ATL2: variants seen among roughly 807,000 people sequenced by gnomAD.
ATL2 encodes the protein atlastin GTPase 2, also known as atlastin-2.
In ATL2, 31 loss-of-function variants were observed where a neutral mutation model predicts 73.9. The observed-to-expected ratio is 0.42, with a 90% CI of 0.32 to 0.57. The LOEUF (loss-of-function observed/expected upper bound fraction) is 0.57, where lower values mean the gene tolerates loss of function less well. ATL2 is among the 20% of genes least tolerant of loss of function. ATL2 has a pLI of 0.14. For synonymous variants in ATL2, 291 were observed against 237.5 expected (o/e 1.23, Z -2.07); for missense variants, 738 against 702.6 (o/e 1.05, Z -0.57).
intron 2 of ATL2, among the ~76,000 whole-genome samples, chr2:38,320,140 T>A (rs1333937466): frequency 3.3e-5 from 5 of 152,114 alleles, no homozygotes; most frequent in Admixed American, 2.0e-4. Context: ...ATTTAAAAAA[T>A]AACCCCAAGA....
intron 1 of ATL2, among the ~76,000 whole-genome samples, chr2:38,348,850 A>C (rs973670465): frequency 6.6e-6 from 1 of 152,204 alleles, no homozygotes; most frequent in Non-Finnish European, 1.5e-5. Flanking sequence ...ACCCCATCAA[A>C]AAGTGGGCAA....
At chr2:38,347,675 G>T (rs1332714830) in intron 1 of ATL2, among the ~76,000 whole-genome samples, 1 of 151,644 alleles carries the variant, frequency 6.6e-6, no homozygotes, top group Non-Finnish European at 1.5e-5. Flanking sequence ...CTACAACAGT[G>T]CCTGACACCT....
intron 1 of ATL2, among the ~76,000 whole-genome samples, chr2:38,354,468 G>C (rs1269372322): frequency 6.6e-6 from 1 of 152,114 alleles, no homozygotes. Context: ...TACACCCTAA[G>C]GTTATGATTT....
At chr2:38,349,929 T>A (rs2124432229) in intron 1 of ATL2, among the ~76,000 whole-genome samples, 1 of 152,330 alleles carries the variant, frequency 6.6e-6, no homozygotes, top group Admixed American at 6.5e-5. Context: ...TACACCTGCA[T>A]CTATCTACTT....
At chr2:38,364,878 A>C (rs1016956931) in intron 1 of ATL2, among the ~76,000 whole-genome samples, 2 of 152,084 alleles carry the variant, frequency 1.3e-5, no homozygotes, top group African/African-American at 4.8e-5. Context: ...CTCCGTCTCT[A>C]CTAAAAATAC....
At chr2:38,303,757 T>C (rs1483857225) in intron 9 of ATL2, among the ~76,000 whole-genome samples, 2 of 152,076 alleles carry the variant, frequency 1.3e-5, no homozygotes, top group African/African-American at 4.8e-5. Context: ...GAACAAAAGA[T>C]TATAGAACAC....
chr2:38,364,649 A>C (rs1671201649), intron 1 of ATL2, among the ~76,000 whole-genome samples: 1 of 152,242 alleles, frequency 6.6e-6, no homozygotes, highest in African/African-American at 2.4e-5. Context: ...TGACTCTAAG[A>C]GCTCCAAGAT....
chr2:38,313,266 T>C (rs891455067), intron 6 of ATL2, 23 bp from the exon 7 acceptor site: 3 of 1,531,460 alleles, frequency 2.0e-6, no homozygotes, highest in African/African-American at 1.4e-5. Flanking sequence ...AAAATAAAAA[T>C]TGTTTATTTT....
chr2:38,367,703 G>A (rs1178604078), intron 1 of ATL2, among the ~76,000 whole-genome samples: 1 of 149,758 alleles, frequency 6.7e-6, no homozygotes, highest in Non-Finnish European at 1.5e-5. Flanking sequence ...CGCGATCTCG[G>A]CTCACTGCCA....
chr2:38,318,783 T>A, intron 3 of ATL2, 102 bp downstream of exon 3: 1 of 1,412,436 alleles, frequency 7.1e-7, no homozygotes, highest in Non-Finnish European at 9.7e-7. Flanking sequence ...ATCCGTATGT[T>A]AAAGTTATCA....
rs146848873 is a variant in ATL2 at position 38,315,286 on chromosome 2, G to C, written c.652C>G (p.Gln218Glu). ...NIQEDDLQHL[Q>E]LFTEYGRLAM... ...AAATTAAAAAAAGAAATACGTACTT[G>C]CAAATGTTGAAGATCATCTTCTTGA... The change falls in exon 5 of 13, where the codon CAA becomes GAA. Residue 218 changes from glutamine (Q) to glutamate (E), a missense_variant and splice_region_variant. Gln to Glu is a conservative substitution (Grantham distance 29). Transcript: ENST00000378954. 3.5e-4 allele frequency: 522 copies of C among 1,486,058 alleles called. No individual in the cohort carries two copies. The highest frequency in any genetic ancestry group is 4.4e-4 in the Non-Finnish European group (501 of 1,126,968). 92.1% of individuals were successfully genotyped at this position (1,486,058 alleles called of 1,614,324 possible). A position where few individuals can be genotyped will look rare whatever the true frequency, so the allele number is the denominator to read the frequency against.
chr2:38,299,771 A>G (rs896359643), intron 10 of ATL2, among the ~76,000 whole-genome samples: 1 of 152,220 alleles, frequency 6.6e-6, no homozygotes, highest in Non-Finnish European at 1.5e-5. Context: ...AAATGGAAAA[A>G]TAGCCTAAAG....
chr2:38,376,943 C>G (rs1206472083), intron 1 of ATL2, among the ~76,000 whole-genome samples, 200 bp downstream of exon 1: 1 of 150,998 alleles, frequency 6.6e-6, no homozygotes, highest in African/African-American at 2.4e-5. Flanking sequence ...CCGCGGCCCA[C>G]GAGCCGCCCT....
intron 1 of ATL2, among the ~76,000 whole-genome samples, chr2:38,374,034 G>C (rs1186882067): frequency 6.6e-6 from 1 of 152,104 alleles, no homozygotes; most frequent in Admixed American, 6.6e-5. Flanking sequence ...TGGGATTACA[G>C]CCATGCGCCA....
At chr2:38,307,219 A>C (rs752933776) in intron 9 of ATL2, among the ~76,000 whole-genome samples, 12 of 152,096 alleles carry the variant, frequency 7.9e-5, no homozygotes, top group African/African-American at 2.9e-4. Flanking sequence ...TCAGCTAGGC[A>C]TGGTGGCAGC....
intron 1 of ATL2, among the ~76,000 whole-genome samples, chr2:38,370,036 C>T (rs932687691): frequency 6.7e-6 from 1 of 150,238 alleles, no homozygotes; most frequent in Non-Finnish European, 1.5e-5. Flanking sequence ...CGCCTGTAGT[C>T]CCAGGTACTC....
upstream of ATL2, among the ~76,000 whole-genome samples, chr2:38,378,002 G>C (rs532313516): frequency 4.6e-5 from 7 of 152,318 alleles, no homozygotes; most frequent in African/African-American, 1.4e-4. Context: ...ATCGGAAAAT[G>C]AATCGTGGCA....
At chr2:38,339,982 C>T (rs1479111446) in intron 2 of ATL2, among the ~76,000 whole-genome samples, 1 of 152,104 alleles carries the variant, frequency 6.6e-6, no homozygotes, top group Non-Finnish European at 1.5e-5. Context: ...TGAGCCCCAA[C>T]ACCCTGCCCT....
intron 2 of ATL2, among the ~76,000 whole-genome samples, chr2:38,337,485 C>CAAAAAAAA (rs1669430957): frequency 5.5e-5 from 1 of 18,312 alleles, no homozygotes; most frequent in African/African-American, 1.9e-4. Context: ...GACTCTGTCT[C>CAAAAAAAA]CAAAAAAAAA....
Sources: allele counts gnomAD v4.1 joint callset (sites outside exome capture counted in the v4.1 genomes callset), GRCh38; gene constraint gnomAD v4.1.1; transcripts MANE v1.5; gene names NCBI Gene and HGNC (gene_info 2026-07-23, HGNC 2026-07-21).